ARHGEF10: variants seen among roughly 807,000 people sequenced by gnomAD.
ARHGEF10 encodes Rho guanine nucleotide exchange factor (GEF) 10.
Under a neutral mutation model 147.4 loss-of-function variants are expected in ARHGEF10, and 140 were observed. That is an observed-to-expected ratio of 0.95 (90% CI 0.83 to 1.09). The LOEUF is 1.09. Among genes scored for constraint, ARHGEF10 ranks in the 50% least tolerant of loss-of-function variants. The probability of loss-of-function intolerance (pLI) is 0.00; values close to 1 mark genes in which losing one functional copy is unlikely to be tolerated. For synonymous variants in ARHGEF10, 902 were observed against 695.8 expected (o/e 1.30, Z -4.67); for missense variants, 2,222 against 1,752.7 (o/e 1.27, Z -4.78).
chr8:1,843,260 C>G, intron 1 of ARHGEF10, 93 bp from the exon 2 acceptor site: 1 of 921,184 alleles, frequency 1.1e-6, no homozygotes, highest in South Asian at 1.4e-5. Flanking sequence ...TTAGCTCTTC[C>G]TTTTTGCGGG....
chr8:1,864,728 C>T (rs936821024), intron 5 of ARHGEF10, among the ~76,000 whole-genome samples: 4 of 152,186 alleles, frequency 2.6e-5, no homozygotes, highest in East Asian at 1.9e-4. Flanking sequence ...TGCTTTTCTC[C>T]TTTCTATCAT....
At chr8:1,891,569 T>C (rs1809530519) in intron 11 of ARHGEF10, among the ~76,000 whole-genome samples, 1 of 152,172 alleles carries the variant, frequency 6.6e-6, no homozygotes, top group Non-Finnish European at 1.5e-5. Flanking sequence ...CATCCGCAGC[T>C]CTCCCAGCTC....
intron 18 of ARHGEF10, among the ~76,000 whole-genome samples, chr8:1,909,692 C>T (rs1054075643): frequency 2.6e-5 from 4 of 152,248 alleles, no homozygotes; most frequent in South Asian, 2.1e-4. Context: ...GGGGCTCCTT[C>T]GGGTTCGGGC....
chr8:1,900,273 C>T (rs561498851), intron 15 of ARHGEF10, among the ~76,000 whole-genome samples: 60 of 152,158 alleles, frequency 3.9e-4, no homozygotes, highest in African/African-American at 1.1e-3. Flanking sequence ...GACAGAGAAC[C>T]GCAGGGAAAA....
intron 5 of ARHGEF10, among the ~76,000 whole-genome samples, chr8:1,865,633 C>T (rs1563199143): frequency 6.6e-6 from 1 of 152,246 alleles, no homozygotes; most frequent in South Asian, 2.1e-4. Context: ...TTCCCTCATC[C>T]TCAAGGTCCT....
chr8:1,954,585 G>A (rs1364342803), intron 28 of ARHGEF10, among the ~76,000 whole-genome samples: 1 of 152,178 alleles, frequency 6.6e-6, no homozygotes, highest in Non-Finnish European at 1.5e-5. Flanking sequence ...AAATGGTAAC[G>A]AGAAGAGGCC....
intron 27 of ARHGEF10, among the ~76,000 whole-genome samples, chr8:1,949,406 G>C (rs755077693): frequency 6.6e-6 from 1 of 152,196 alleles, no homozygotes; most frequent in African/African-American, 2.4e-5. Flanking sequence ...CGTTAGAGCG[G>C]TCGTTACCTT....
chr8:1,915,353 A>G (rs1405958363), intron 18 of ARHGEF10, among the ~76,000 whole-genome samples: 2 of 152,184 alleles, frequency 1.3e-5, no homozygotes, highest in Admixed American at 6.5e-5. Flanking sequence ...TGTGTCCATG[A>G]GTTATTCTAC....
intron 13 of ARHGEF10, among the ~76,000 whole-genome samples, 183 bp from the exon 14 acceptor site, chr8:1,896,150 C>G (rs1809953294): frequency 6.6e-6 from 1 of 152,180 alleles, no homozygotes; most frequent in Non-Finnish European, 1.5e-5. Context: ...AAACCAGCAA[C>G]TTAACTCCTA....
At chr8:1,861,373 C>A (rs1463963580) in intron 4 of ARHGEF10, among the ~76,000 whole-genome samples, 2 of 152,332 alleles carry the variant, frequency 1.3e-5, no homozygotes, top group African/African-American at 2.4e-5. Context: ...TGCTGTAGGG[C>A]CAGGCGCCAG....
intron 2 of ARHGEF10, among the ~76,000 whole-genome samples, chr8:1,851,410 G>A (rs1455873522): frequency 1.3e-5 from 2 of 151,818 alleles, no homozygotes; most frequent in African/African-American, 2.4e-5. Context: ...CACCAGGAGC[G>A]AGGCCTAACA....
intron 26 of ARHGEF10, among the ~76,000 whole-genome samples, chr8:1,938,401 C>T (rs1328759532): frequency 6.6e-6 from 1 of 152,144 alleles, no homozygotes; most frequent in Admixed American, 6.5e-5. Flanking sequence ...CCTTTTCTTC[C>T]TCACTCTTGA....
chr8:1,940,033 G>A (rs185396612), intron 26 of ARHGEF10, among the ~76,000 whole-genome samples: 6 of 152,248 alleles, frequency 3.9e-5, no homozygotes, highest in Admixed American at 2.0e-4. Context: ...GGTGCGAGAC[G>A]CTTGGATACT....
intron 1 of ARHGEF10, among the ~76,000 whole-genome samples, chr8:1,832,765 C>G (rs1803254107): frequency 6.0e-5 from 2 of 33,296 alleles, no homozygotes; most frequent in African/African-American, 1.4e-4. Context: ...GAGACAGAGG[C>G]AGAGACAGAG....
intron 3 of ARHGEF10, 72 bp downstream of exon 3, chr8:1,858,187 TGTGAGTCACCAG>T: frequency 9.6e-7 from 1 of 1,037,914 alleles, no homozygotes; most frequent in Non-Finnish European, 1.3e-6. Flanking sequence ...TGGGTCCCCA[TGTGAGTCACCAG>T]GTGAGTTCCC....
intron 28 of ARHGEF10, among the ~76,000 whole-genome samples, chr8:1,953,121 G>A (rs1047578680): frequency 6.6e-6 from 1 of 152,208 alleles, no homozygotes; most frequent in African/African-American, 2.4e-5. Flanking sequence ...GAAGGAAGCC[G>A]GGATCTCCGT....
In ARHGEF10 at chr8:1,888,218, G is replaced by GT. The variant is rs66759895; in HGVS notation, c.1182+2513dup. Among the ~76,000 whole-genome samples, 504 of 67,678 alleles carry GT rather than the reference G, an allele frequency of 7.4e-3. 3 individuals carry two copies. Among genetic ancestry groups the GT allele is most frequent in the East Asian group, 0.034 (43 of 1,260 alleles). 44.4% of individuals were successfully genotyped at this position (67,678 alleles called of 152,430 possible). ...CGAGGAGACACTTAGTGGGGCGAGGGTTGCGAGGAGACAGTGAGTGTGGTG... is the reference window on the plus strand; with the variant it reads ...CGAGGAGACACTTAGTGGGGCGAGGGTTTGCGAGGAGACAGTGAGTGTGGTG... On this transcript the variant is annotated intron_variant, in intron 11 of 28. Coordinates refer to ENST00000349830, the MANE Select transcript of ARHGEF10 (RefSeq NM_014629.4).
At chr8:1,896,529 T>C (rs565642512) in intron 14 of ARHGEF10, 80 bp downstream of exon 14, 1 of 984,042 alleles carries the variant, frequency 1.0e-6, no homozygotes, top group South Asian at 1.3e-5. Context: ...CTGAATGCAG[T>C]TATTCGTTAT....
At chr8:1,894,240 C>G (rs569494578) in intron 12 of ARHGEF10, among the ~76,000 whole-genome samples, 153 bp from the exon 13 acceptor site, 2 of 151,706 alleles carry the variant, frequency 1.3e-5, no homozygotes, top group Admixed American at 1.3e-4. Flanking sequence ...ATCCCAGTTA[C>G]TTGGGAGGCT....
Sources: allele counts gnomAD v4.1 joint callset (sites outside exome capture counted in the v4.1 genomes callset), GRCh38; gene constraint gnomAD v4.1.1; transcripts MANE v1.5; gene names NCBI Gene and HGNC (gene_info 2026-07-23, HGNC 2026-07-21).